Variants in TBX22 observed in about 807,000 individuals in gnomAD.
TBX22 encodes T-box transcription factor 22.
In TBX22, 8 loss-of-function variants were observed where a neutral mutation model predicts 30.1. The ratio of observed to expected loss-of-function variants is 0.27; its 90% confidence interval spans 0.16 to 0.48. The LOEUF is 0.48. TBX22 is among the 20% of genes least tolerant of loss of function. The pLI is 0.99. For missense variants in TBX22, 463 were observed against 400.5 expected (o/e 1.16, Z -1.33); for synonymous variants, 173 against 149.1 (o/e 1.16, Z -1.17).
At chrX:80,022,963 A>G (rs1923793826) in intron 2 of TBX22, 97 bp from the exon 3 acceptor site, 1 of 891,188 alleles carries the variant, frequency 1.1e-6, no homozygotes, top group African/African-American at 2.0e-5. Context: ...TGGGGAAGGG[A>G]CAAGGCCCTG....
intron 1 of TBX22, among the ~76,000 whole-genome samples, chrX:80,021,088 A>G (rs1355388127): frequency 2.7e-5 from 3 of 111,625 alleles, no homozygotes; most frequent in Non-Finnish European, 5.6e-5. Flanking sequence ...AGAAACTTGT[A>G]TATTCATTTT....
In TBX22 at chrX:80,022,455, C is replaced by T. The variant is rs1462162124; in HGVS notation, c.175+11C>T. The T allele has an allele frequency of 3.4e-6, 4 of 1,169,412 alleles. No homozygotes were observed. The African/African-American group carries it at 5.5e-5, about 16-fold the overall frequency. ...AGAGCGAGCCGCTTGGTAAGTACTG[C>T]CATTGCCCTGAGCCCGTTGCCTGAG... On this transcript the variant is annotated intron_variant, in intron 2 of 8. Coordinates refer to ENST00000373296, the MANE Select transcript of TBX22 (RefSeq NM_001109878.2).
Position 80,022,464 on chromosome X carries a change from T to A in TBX22, c.175+20T>A. ...CGCTTGGTAAGTACTGCCATTGCCC[T>A]GAGCCCGTTGCCTGAGCTTACTGGT... On this transcript the variant is annotated intron_variant, in intron 2 of 8. Transcript: ENST00000373296. 1 of 1,163,660 alleles carries A rather than the reference T, an allele frequency of 8.6e-7. No homozygotes were observed. Among genetic ancestry groups the A allele is most frequent in the Non-Finnish European group, 1.1e-6 (1 of 870,522 alleles).
At chrX:80,020,507 T>A (rs1010167770) in intron 1 of TBX22, among the ~76,000 whole-genome samples, 111 of 112,214 alleles carry the variant, frequency 9.9e-4, no homozygotes, top group African/African-American at 3.5e-3. Flanking sequence ...ACTTTGCCTG[T>A]CTAGGATAGG....
At chrX:80,023,943 A>G (rs1923844912) in intron 3 of TBX22, 120 bp from the exon 4 acceptor site, 1 of 631,180 alleles carries the variant, frequency 1.6e-6, no homozygotes, top group African/African-American at 2.2e-5. Context: ...GCTATTTTGA[A>G]AAGGGAAGGG....
At chrX:80,022,158 G>C in intron 1 of TBX22, 110 bp from the exon 2 acceptor site, 1 of 739,023 alleles carries the variant, frequency 1.4e-6, no homozygotes. Flanking sequence ...TGTTTTTCCC[G>C]CTTTCCCTCC....
In TBX22 at chrX:80,027,327, A is replaced by G; in HGVS notation, c.863+7A>G. ...GAGATACTGGAAGAAACAGGTAAGC[A>G]GCATAGCAATGACATCTAATATTGA... On this transcript the variant is annotated splice_region_variant and intron_variant, in intron 7 of 8. Coordinates refer to ENST00000373296, the MANE Select transcript of TBX22 (RefSeq NM_001109878.2). 4 of 1,020,018 alleles carry G rather than the reference A, an allele frequency of 3.9e-6. 1 individual carries two copies. The South Asian group carries it at 5.8e-5, about 15-fold the overall frequency. 84.1% of individuals were successfully genotyped at this position (1,020,018 alleles called of 1,213,427 possible).
chrX:80,028,478 A>G (rs1039368353), intron 8 of TBX22, among the ~76,000 whole-genome samples: 9 of 112,202 alleles, frequency 8.0e-5, no homozygotes, highest in African/African-American at 2.6e-4. Flanking sequence ...AGTACATGTT[A>G]AAATGACTTT....
intron 1 of TBX22, among the ~76,000 whole-genome samples, chrX:80,020,347 T>C (rs980670404): frequency 5.4e-5 from 6 of 111,343 alleles, no homozygotes; most frequent in African/African-American, 1.6e-4. Flanking sequence ...GACAGATAGA[T>C]AGATAGATCT....
Sources: allele counts gnomAD v4.1 joint callset (sites outside exome capture counted in the v4.1 genomes callset), GRCh38; gene constraint gnomAD v4.1.1; transcripts MANE v1.5; gene names NCBI Gene and HGNC (gene_info 2026-07-23, HGNC 2026-07-21).